GRID2: variants seen among roughly 807,000 people sequenced by gnomAD.
GRID2 encodes the protein glutamate receptor ionotropic, delta-2.
Under a neutral mutation model 114.8 loss-of-function variants are expected in GRID2, and 33 were observed. The ratio of observed to expected loss-of-function variants is 0.29; its 90% confidence interval spans 0.22 to 0.38. The LOEUF (loss-of-function observed/expected upper bound fraction) is 0.38, where lower values mean the gene tolerates loss of function less well. Among genes scored for constraint, GRID2 ranks in the 10% least tolerant of loss-of-function variants. GRID2 has a pLI of 1.00. For missense variants in GRID2, 1,184 were observed against 1,257.7 expected (o/e 0.94, Z 0.89); for synonymous variants, 505 against 449.9 (o/e 1.12, Z -1.55).
intron 1 of GRID2, among the ~76,000 whole-genome samples, chr4:92,539,511 T>C (rs2149160993): frequency 6.6e-6 from 1 of 152,186 alleles, no homozygotes; most frequent in South Asian, 2.1e-4. Flanking sequence ...CTTTTGGCTG[T>C]TTTTTTGGTA....
At chr4:93,492,510 C>A (rs777963068) in intron 12 of GRID2, among the ~76,000 whole-genome samples, 4 of 151,724 alleles carry the variant, frequency 2.6e-5, no homozygotes, top group South Asian at 2.1e-4. Context: ...AGAAGAAACT[C>A]GTCATAGCAT....
intron 4 of GRID2, among the ~76,000 whole-genome samples, chr4:93,176,204 TATTA>T (rs1739332930): frequency 6.6e-6 from 1 of 152,182 alleles, no homozygotes; most frequent in Admixed American, 6.5e-5. Context: ...ATCTAAACAT[TATTA>T]ATTAACTTGG....
chr4:93,378,832 T>C (rs2149304796), intron 8 of GRID2, among the ~76,000 whole-genome samples: 1 of 152,218 alleles, frequency 6.6e-6, no homozygotes, highest in African/African-American at 2.4e-5. Flanking sequence ...TTACAGTTTG[T>C]TTTTGCTGGG....
At chr4:92,899,753 G>A (rs989549460) in intron 2 of GRID2, among the ~76,000 whole-genome samples, 1 of 152,148 alleles carries the variant, frequency 6.6e-6, no homozygotes, top group Non-Finnish European at 1.5e-5. Flanking sequence ...TACCTAAGTT[G>A]ATGAAACAAA....
intron 2 of GRID2, among the ~76,000 whole-genome samples, chr4:92,620,238 A>C (rs912762613): frequency 2.9e-4 from 44 of 151,788 alleles, no homozygotes; most frequent in African/African-American, 1.0e-3. Flanking sequence ...ATGGAATGAC[A>C]TGATTTATAG....
intron 2 of GRID2, among the ~76,000 whole-genome samples, chr4:92,799,051 G>A (rs74867189): frequency 0.025 from 3,793 of 152,028 alleles, 100 homozygotes; most frequent in East Asian, 0.12. Flanking sequence ...TGGTTTCAGT[G>A]TGATTCAAGT....
At chr4:93,502,989 G>A (rs1418671830) in intron 12 of GRID2, among the ~76,000 whole-genome samples, 3 of 151,914 alleles carry the variant, frequency 2.0e-5, no homozygotes, top group Non-Finnish European at 2.9e-5. Flanking sequence ...AAACAGTTCG[G>A]GCATTTATAA....
chr4:93,792,119 A>C (rs1004710996), intron 1 of GRID2, among the ~76,000 whole-genome samples: 8 of 152,208 alleles, frequency 5.3e-5, no homozygotes, highest in African/African-American at 1.7e-4. Flanking sequence ...TATTTTGTCC[A>C]TATTATTTTC....
In GRID2 at chr4:93,772,374, A is replaced by G. The variant is rs1031869678; in HGVS notation, c.2900A>G (p.His967Arg). 2 of 1,613,922 alleles carry G rather than the reference A, an allele frequency of 1.2e-6. No individual in the cohort carries two copies. Among genetic ancestry groups the G allele is most frequent in the African/African-American group, 2.7e-5 (2 of 74,914 alleles). ...GAGCACCGAACTGGCCCTTTTAGGC[A>G]CAGGGCACCTAATGGGGGCTTTTTC... is the stretch of plus-strand genomic sequence containing the variant. ...VPEHRTGPFR[H>R]RAPNGGFFRS... Residue 967 changes from histidine to arginine, a missense_variant, in exon 16 of 16, where the codon CAC becomes CGC. Coordinates refer to ENST00000282020, the MANE Select transcript of GRID2 (RefSeq NM_001510.4).
At chr4:93,578,657 G>T (rs557183478) in intron 13 of GRID2, among the ~76,000 whole-genome samples, 2 of 135,496 alleles carry the variant, frequency 1.5e-5, no homozygotes, top group Non-Finnish European at 3.0e-5. Context: ...GCAGTGGCTC[G>T]ATCTTGGGTC....
At chr4:92,361,841 A>T (rs1728634606) in intron 1 of GRID2, among the ~76,000 whole-genome samples, 1 of 151,988 alleles carries the variant, frequency 6.6e-6, no homozygotes, top group Non-Finnish European at 1.5e-5. Flanking sequence ...AATGTGGTAT[A>T]CTGAGCATCT....
In GRID2 at chr4:92,524,343, T is replaced by C. The variant is rs1272033256; in HGVS notation, c.89-65788T>C. On this transcript the variant is annotated intron_variant, in intron 1 of 15. Coordinates refer to ENST00000282020, the MANE Select transcript of GRID2 (RefSeq NM_001510.4). ...CTATAGGTCAGAAGTCTAACATGGG[T>C]ATCAGTAGCTGAAATTAAGGTGTCA... 3.3e-5 allele frequency among the ~76,000 whole-genome samples: 5 copies of C among 151,672 alleles called. No individual in the cohort carries two copies. In the South Asian group the frequency reaches 1.0e-3, roughly 32 times the overall value.
intron 1 of GRID2, among the ~76,000 whole-genome samples, chr4:92,337,897 C>CA (rs1420024050): frequency 3.9e-5 from 6 of 152,240 alleles, no homozygotes; most frequent in African/African-American, 1.4e-4. Context: ...CTCTTAGAAA[C>CA]TAAGCATCTA....
chr4:92,519,461 C>T (rs7679213), intron 1 of GRID2, among the ~76,000 whole-genome samples: 11,822 of 151,338 alleles, frequency 0.078, 689 homozygotes, highest in African/African-American at 0.17. Flanking sequence ...ACCTAGAAAA[C>T]GTAATTTTAT....
At chr4:93,684,064 A>G (rs1040447627) in intron 14 of GRID2, among the ~76,000 whole-genome samples, 2 of 152,164 alleles carry the variant, frequency 1.3e-5, no homozygotes, top group African/African-American at 2.4e-5. Context: ...AAAATTATAT[A>G]TGGAATTATA....
At chr4:92,588,910 CT>C (rs373041572) in intron 1 of GRID2, among the ~76,000 whole-genome samples, 46 of 151,852 alleles carry the variant, frequency 3.0e-4, no homozygotes, top group African/African-American at 1.1e-3. Flanking sequence ...CGAGACCAGC[CT>C]GGCCAAAATG....
At chr4:92,727,109 CA>C (rs1308159331) in intron 2 of GRID2, among the ~76,000 whole-genome samples, 1 of 151,872 alleles carries the variant, frequency 6.6e-6, no homozygotes, top group Non-Finnish European at 1.5e-5. Flanking sequence ...AATTTCTCTC[CA>C]ATTAAAGCTT....
intron 2 of GRID2, among the ~76,000 whole-genome samples, chr4:93,024,201 T>C (rs1030442747): frequency 6.6e-6 from 1 of 151,812 alleles, no homozygotes; most frequent in Non-Finnish European, 1.5e-5. Context: ...CTTAGCCCTC[T>C]TTAATGAAAC....
intron 1 of GRID2, among the ~76,000 whole-genome samples, chr4:92,380,708 GTGGAGTCATA>G (rs1353670967): frequency 6.6e-6 from 1 of 151,972 alleles, no homozygotes; most frequent in Non-Finnish European, 1.5e-5. Flanking sequence ...GGATTAAAGT[GTGGAGTCATA>G]TGATGTAGTT....
Sources: allele counts gnomAD v4.1 joint callset (sites outside exome capture counted in the v4.1 genomes callset), GRCh38; gene constraint gnomAD v4.1.1; transcripts MANE v1.5; gene names NCBI Gene and HGNC (gene_info 2026-07-23, HGNC 2026-07-21).